The following STAU2 variants were observed in gnomAD, a reference collection of about 807,000 sequenced individuals.
STAU2 encodes the protein staufen double-stranded RNA binding protein 2.
A neutral mutation model predicts 65.9 loss-of-function variants in STAU2; 20 were observed. That is an observed-to-expected ratio of 0.30 (90% CI 0.21 to 0.44). STAU2 has a LOEUF of 0.44. Ranked by LOEUF, STAU2 falls within the 20% of genes least tolerant of loss-of-function variation. STAU2 has a pLI of 1.00. For missense variants in STAU2, 558 were observed against 683.9 expected, an observed-to-expected ratio of 0.82 and a Z score of 2.05; for synonymous variants, 232 against 233.9, an observed-to-expected ratio of 0.99 and a Z score of 0.07.
chr8:73,572,635 C>A lies in STAU2; in HGVS notation c.1222+10135G>T, dbSNP rs770335225. The stretch of plus-strand genomic sequence containing the variant: ...AATGTAATCCAGCATATAAAGAGAA[C>A]CAAAGACGAAAACCACGATTATCTC... On this transcript the variant is annotated intron_variant, in intron 12 of 14. Transcript: ENST00000524300. Among the ~76,000 whole-genome samples, 81 of 152,276 alleles carry A rather than the reference C, an allele frequency of 5.3e-4. 1 individual carries two copies. Among genetic ancestry groups the A allele is most frequent in the Middle Eastern group, 3.4e-3 (1 of 294 alleles).
chr8:73,579,018 G>A (rs1267175019), intron 12 of STAU2, among the ~76,000 whole-genome samples: 5 of 122,520 alleles, frequency 4.1e-5, no homozygotes, highest in East Asian at 5.4e-4. Flanking sequence ...AAACACTAGA[G>A]GTTCTAAATA....
intron 13 of STAU2, among the ~76,000 whole-genome samples, chr8:73,521,271 T>G (rs938913157): frequency 1.3e-5 from 2 of 152,198 alleles, no homozygotes; most frequent in Admixed American, 1.3e-4. Context: ...TGAATGTCCT[T>G]TCATTAAGAG....
intron 12 of STAU2, among the ~76,000 whole-genome samples, chr8:73,578,358 A>G (rs1809731138): frequency 6.6e-6 from 1 of 152,338 alleles, no homozygotes; most frequent in East Asian, 1.9e-4. Flanking sequence ...AACAGAGGCA[A>G]GCTTAACATT....
chr8:73,692,191 G>A (rs1819365296), intron 4 of STAU2, among the ~76,000 whole-genome samples: 1 of 150,578 alleles, frequency 6.6e-6, no homozygotes, highest in East Asian at 1.9e-4. Flanking sequence ...TTCATCCTAC[G>A]TACTTCTTTT....
intron 6 of STAU2, among the ~76,000 whole-genome samples, chr8:73,661,844 A>G (rs953113049): frequency 6.6e-6 from 1 of 152,126 alleles, no homozygotes; most frequent in African/African-American, 2.4e-5. Context: ...AGTGGTAGAT[A>G]TTTGGGTTGT....
intron 13 of STAU2, among the ~76,000 whole-genome samples, chr8:73,519,440 T>C (rs573119237): frequency 8.5e-5 from 13 of 152,182 alleles, no homozygotes; most frequent in Non-Finnish European, 1.9e-4. Context: ...TTGAAGAAAG[T>C]AATTTAGGAC....
intron 13 of STAU2, among the ~76,000 whole-genome samples, chr8:73,449,314 GC>G (rs1229014228): frequency 2.6e-5 from 4 of 152,168 alleles, no homozygotes; most frequent in Non-Finnish European, 4.4e-5. Context: ...GCAGGTGGCG[GC>G]CTTCTGGCTG....
At chr8:73,449,650 G>C (rs536316989) in intron 13 of STAU2, among the ~76,000 whole-genome samples, 2 of 152,274 alleles carry the variant, frequency 1.3e-5, no homozygotes, top group African/African-American at 4.8e-5. Flanking sequence ...AGGCCTGTCT[G>C]CCCTGGGGCT....
At chr8:73,711,024 G>A (rs545356259) in intron 3 of STAU2, among the ~76,000 whole-genome samples, 115 of 146,308 alleles carry the variant, frequency 7.9e-4, no homozygotes, top group Non-Finnish European at 1.4e-3. Context: ...AGAAAACTAC[G>A]TAAGCACCTG....
rs1817810168 is a variant in STAU2 at position 73,673,258 on chromosome 8, AC to A, written c.275-17del. ...GTTATACTGCCTGTTTAAAAAAAAAACATTAAAGGCACACAAGTGAAATATC... is the reference window on the plus strand; with the variant it reads ...GTTATACTGCCTGTTTAAAAAAAAAAATTAAAGGCACACAAGTGAAATATC... On this transcript the variant is annotated splice_polypyrimidine_tract_variant and intron_variant, in intron 5 of 14. Transcript: ENST00000524300. 3.3e-6 allele frequency: 5 copies of A among 1,534,270 alleles called. No homozygotes were observed. The highest frequency in any genetic ancestry group is 3.5e-6 in the Non-Finnish European group (4 of 1,142,208).
At chr8:73,669,980 T>A (rs939194950) in intron 6 of STAU2, among the ~76,000 whole-genome samples, 1 of 152,210 alleles carries the variant, frequency 6.6e-6, no homozygotes, top group African/African-American at 2.4e-5. Context: ...AATACTCTCA[T>A]AAATCTATTT....
intron 13 of STAU2, among the ~76,000 whole-genome samples, chr8:73,533,769 T>C (rs916072731): frequency 6.6e-6 from 1 of 152,196 alleles, no homozygotes; most frequent in African/African-American, 2.4e-5. Context: ...TTAAATTACA[T>C]AAAATGCTAG....
At chr8:73,435,693 T>C (rs1256380661) in intron 13 of STAU2, among the ~76,000 whole-genome samples, 1 of 152,022 alleles carries the variant, frequency 6.6e-6, no homozygotes, top group Non-Finnish European at 1.5e-5. Flanking sequence ...TACTGTCTTT[T>C]TGAGATGTCA....
intron 6 of STAU2, chr8:73,651,671 G>C: frequency 4.0e-6 from 2 of 501,148 alleles, no homozygotes; most frequent in Non-Finnish European, 3.7e-6. Flanking sequence ...GCCTGCTGCT[G>C]TGGGCAGCCT....
chr8:73,742,359 C>T lies in STAU2; in HGVS notation c.-196-2491G>A, dbSNP rs566208513. ...ACTAGCCTGGCGAACACGGCAAAAT[C>T]GTCTCTACTAAAAATACAAAAATTA... On this transcript the variant is annotated intron_variant, in intron 1 of 14. Coordinates refer to ENST00000524300, the MANE Select transcript of STAU2 (RefSeq NM_001164380.2). 8 of 373,960 alleles carry T rather than the reference C, an allele frequency of 2.1e-5. No individual in the cohort carries two copies. In the South Asian group the frequency reaches 5.5e-4, roughly 26 times the overall value. 23.2% of individuals were successfully genotyped at this position (373,960 alleles called of 1,614,324 possible). A position where few individuals can be genotyped will look rare whatever the true frequency, so the allele number is the denominator to read the frequency against.
At chr8:73,630,238 G>T (rs1012034875) in intron 6 of STAU2, among the ~76,000 whole-genome samples, 1 of 152,202 alleles carries the variant, frequency 6.6e-6, no homozygotes, top group East Asian at 1.9e-4. Context: ...CTGCAGATAC[G>T]CAAGGTATGC....
chr8:73,496,726 A>C (rs1328384978), intron 13 of STAU2, among the ~76,000 whole-genome samples: 3 of 151,756 alleles, frequency 2.0e-5, no homozygotes, highest in Non-Finnish European at 4.4e-5. Flanking sequence ...TTCAACATTT[A>C]ATCAATAAAA....
At chr8:73,540,815 G>T (rs1178000017) in intron 13 of STAU2, among the ~76,000 whole-genome samples, 2 of 152,112 alleles carry the variant, frequency 1.3e-5, no homozygotes, top group African/African-American at 4.8e-5. Flanking sequence ...TAAGAATTAT[G>T]AGTTTTGACT....
intron 10 of STAU2, among the ~76,000 whole-genome samples, chr8:73,603,229 G>T (rs890157034): frequency 6.6e-6 from 1 of 152,060 alleles, no homozygotes; most frequent in Admixed American, 6.6e-5. Context: ...GATTTTCTTG[G>T]CTCCACAATG....
Sources: allele counts gnomAD v4.1 joint callset (sites outside exome capture counted in the v4.1 genomes callset), GRCh38; gene constraint gnomAD v4.1.1; transcripts MANE v1.5; gene names NCBI Gene and HGNC (gene_info 2026-07-23, HGNC 2026-07-21).